MSI2: variants seen among roughly 807,000 people sequenced by gnomAD.
MSI2 encodes the protein RNA-binding protein Musashi homolog 2.
Under a neutral mutation model 45.6 loss-of-function variants are expected in MSI2, and 17 were observed. The observed-to-expected ratio is 0.37, with a 90% confidence interval of 0.26 to 0.56. The LOEUF (loss-of-function observed/expected upper bound fraction) is 0.56, where lower values mean the gene tolerates loss of function less well. MSI2 is among the 20% of genes least tolerant of loss of function. The pLI is 0.77. For synonymous variants in MSI2, 156 were observed against 158.2 expected (o/e 0.99, Z 0.11); for missense variants, 293 against 444.2 (o/e 0.66, Z 3.06).
At chr17:57,315,675 C>T (rs117669089) in intron 5 of MSI2, among the ~76,000 whole-genome samples, 78 of 152,228 alleles carry the variant, frequency 5.1e-4, no homozygotes, top group South Asian at 2.1e-3. Context: ...CAAACAAACC[C>T]GAACACCCAA....
At chr17:57,508,727 G>GTGA (rs1421056499) in intron 6 of MSI2, among the ~76,000 whole-genome samples, 1 of 152,198 alleles carries the variant, frequency 6.6e-6, no homozygotes, top group Non-Finnish European at 1.5e-5. Flanking sequence ...AGATACGCGC[G>GTGA]TGAGCCCGGC....
chr17:57,350,046 C>T (rs1915889609), intron 5 of MSI2, among the ~76,000 whole-genome samples: 1 of 152,172 alleles, frequency 6.6e-6, no homozygotes, highest in Non-Finnish European at 1.5e-5. Flanking sequence ...TTCTTGCTGC[C>T]TGGCGCTGTG....
At chr17:57,526,506 A>G (rs1027627181) in intron 6 of MSI2, among the ~76,000 whole-genome samples, 1 of 150,618 alleles carries the variant, frequency 6.6e-6, no homozygotes, top group Non-Finnish European at 1.5e-5. Context: ...TGTGCCCCTT[A>G]TTTTCCCTTG....
chr17:57,387,316 A>G (rs2083703905), intron 5 of MSI2, among the ~76,000 whole-genome samples: 1 of 152,168 alleles, frequency 6.6e-6, no homozygotes, highest in Non-Finnish European at 1.5e-5. Context: ...TTTTGCTGCG[A>G]CTGTTGTTTC....
chr17:57,521,504 T>G (rs538877728), intron 6 of MSI2, among the ~76,000 whole-genome samples: 3 of 152,352 alleles, frequency 2.0e-5, no homozygotes, highest in African/African-American at 2.4e-5. Context: ...GAACTTTGGC[T>G]TTCTTGTACT....
At chr17:57,314,071 T>G (rs1030645053) in intron 5 of MSI2, among the ~76,000 whole-genome samples, 1 of 152,128 alleles carries the variant, frequency 6.6e-6, no homozygotes, top group African/African-American at 2.4e-5. Flanking sequence ...TTCTGAGGGC[T>G]GGGAGGGAAG....
intron 6 of MSI2, among the ~76,000 whole-genome samples, chr17:57,424,565 C>T (rs1287575561): frequency 6.6e-6 from 1 of 152,174 alleles, no homozygotes; most frequent in Non-Finnish European, 1.5e-5. Flanking sequence ...TGCCTGGCCT[C>T]CTGGAGTCTG....
intron 6 of MSI2, among the ~76,000 whole-genome samples, chr17:57,403,949 A>ATG (rs1386105389): frequency 2.0e-5 from 3 of 152,142 alleles, no homozygotes; most frequent in African/African-American, 7.2e-5. Context: ...ACACACACAC[A>ATG]CACACACACA....
chr17:57,479,426 A>G (rs970636842), intron 6 of MSI2, among the ~76,000 whole-genome samples: 4 of 152,196 alleles, frequency 2.6e-5, no homozygotes, highest in Admixed American at 2.0e-4. Context: ...CTCTGGACTC[A>G]GTGTTCCTGA....
chr17:57,458,518 A>G (rs759011100), intron 6 of MSI2, among the ~76,000 whole-genome samples: 1 of 152,112 alleles, frequency 6.6e-6, no homozygotes, highest in Non-Finnish European at 1.5e-5. Flanking sequence ...TCACTGTGCA[A>G]TTTCTGGTTG....
intron 11 of MSI2, among the ~76,000 whole-genome samples, chr17:57,663,193 C>A (rs1371475225): frequency 2.0e-5 from 3 of 152,058 alleles, no homozygotes; most frequent in Non-Finnish European, 4.4e-5. Context: ...GGGGCCAAGG[C>A]GGGAGCAGCG....
intron 5 of MSI2, among the ~76,000 whole-genome samples, chr17:57,382,696 C>A (rs2144033990): frequency 6.6e-6 from 1 of 152,356 alleles, no homozygotes; most frequent in East Asian, 1.9e-4. Flanking sequence ...CCCCTCCACC[C>A]ACGAGGACAG....
chr17:57,572,805 TCC>T (rs1353567860), intron 7 of MSI2, among the ~76,000 whole-genome samples: 2 of 152,150 alleles, frequency 1.3e-5, no homozygotes, highest in Non-Finnish European at 2.9e-5. Context: ...AGCACCTGCT[TCC>T]CCGCCGTCCT....
chr17:57,345,138 T>C (rs974648755), intron 5 of MSI2, among the ~76,000 whole-genome samples: 5 of 152,144 alleles, frequency 3.3e-5, no homozygotes, highest in Admixed American at 2.0e-4. Flanking sequence ...ACCACCCCCA[T>C]CCCAGCTAAA....
At chr17:57,421,176 G>A (rs975364285) in intron 6 of MSI2, among the ~76,000 whole-genome samples, 11 of 152,036 alleles carry the variant, frequency 7.2e-5, no homozygotes, top group African/African-American at 2.4e-4. Context: ...AGCTGCAGCT[G>A]ATAGCCTGGC....
chr17:57,410,576 TA>T (rs1306114981), intron 6 of MSI2, among the ~76,000 whole-genome samples: 2 of 130,746 alleles, frequency 1.5e-5, no homozygotes, highest in African/African-American at 5.5e-5. Flanking sequence ...AAGAGCAAAA[TA>T]AGGATTTAAT....
At chr17:57,607,633 CCTGT>C (rs1231910992) in intron 8 of MSI2, among the ~76,000 whole-genome samples, 1 of 152,220 alleles carries the variant, frequency 6.6e-6, no homozygotes, top group Non-Finnish European at 1.5e-5. Flanking sequence ...AGCTGGGAAG[CCTGT>C]CTGTGTTAGG....
intron 7 of MSI2, among the ~76,000 whole-genome samples, chr17:57,542,576 A>C (rs72833081): frequency 0.039 from 5,960 of 152,294 alleles, 158 homozygotes; most frequent in Middle Eastern, 0.11. Flanking sequence ...GTCCCACCCC[A>C]GACCAATTAA....
intron 6 of MSI2, among the ~76,000 whole-genome samples, chr17:57,496,452 T>TG (rs11445572): frequency 0.31 from 46,622 of 152,140 alleles, 7,384 homozygotes; most frequent in East Asian, 0.41. Flanking sequence ...CATACACTGA[T>TG]GGCATTTTCT....
Sources: allele counts gnomAD v4.1 joint callset (sites outside exome capture counted in the v4.1 genomes callset), GRCh38; gene constraint gnomAD v4.1.1; transcripts MANE v1.5; gene names NCBI Gene and HGNC (gene_info 2026-07-23, HGNC 2026-07-21).